Variants in VAV3 observed in about 807,000 individuals in gnomAD.
The protein encoded by VAV3 is vav guanine nucleotide exchange factor 3, also known as guanine nucleotide exchange factor VAV3.
Under a neutral mutation model 131.2 loss-of-function variants are expected in VAV3, and 94 were observed. That is an observed-to-expected ratio of 0.72 (90% CI 0.61 to 0.85). The LOEUF (loss-of-function observed/expected upper bound fraction) is 0.85, where lower values mean the gene tolerates loss of function less well. Among genes scored for constraint, VAV3 ranks in the 40% least tolerant of loss-of-function variants. The pLI is 0.00. For missense variants in VAV3, 939 were observed against 1,002.7 expected (o/e 0.94, Z 0.86); for synonymous variants, 349 against 342.0 (o/e 1.02, Z -0.22).
intron 18 of VAV3, among the ~76,000 whole-genome samples, chr1:107,687,615 A>G (rs1326425836): frequency 6.6e-6 from 1 of 152,144 alleles, no homozygotes; most frequent in East Asian, 1.9e-4. Flanking sequence ...GGTCAAGGCA[A>G]TGATTGTCTG....
chr1:107,655,760 A>T (rs147510293), intron 19 of VAV3, among the ~76,000 whole-genome samples: 3 of 152,282 alleles, frequency 2.0e-5, no homozygotes, highest in Admixed American at 1.3e-4. Context: ...ACTAAGAAGA[A>T]ACAAATAATC....
At chr1:107,868,860 A>AAAAGAG (rs1415154194) in intron 2 of VAV3, among the ~76,000 whole-genome samples, 1 of 152,284 alleles carries the variant, frequency 6.6e-6, no homozygotes, top group African/African-American at 2.4e-5. Flanking sequence ...ACTGGCTCAA[A>AAAAGAG]AAAGAGAAAA....
At chr1:107,704,389 A>C (rs1024716105) in intron 17 of VAV3, among the ~76,000 whole-genome samples, 161 bp downstream of exon 17, 2 of 152,214 alleles carry the variant, frequency 1.3e-5, no homozygotes, top group African/African-American at 4.8e-5. Context: ...CAGAAAACTC[A>C]CGTAAATTTT....
chr1:107,776,454 T>C (rs1334441269), intron 4 of VAV3, among the ~76,000 whole-genome samples: 1 of 152,110 alleles, frequency 6.6e-6, no homozygotes, highest in Non-Finnish European at 1.5e-5. Context: ...GGCCTCTCTG[T>C]AGGGAAATCT....
intron 19 of VAV3, chr1:107,669,043 A>C: frequency 9.5e-7 from 1 of 1,057,314 alleles, no homozygotes; most frequent in Non-Finnish European, 1.1e-6. Context: ...GGAGAAAGTC[A>C]GGAGCTGCTA....
At chr1:107,694,496 G>A (rs1326777567) in intron 17 of VAV3, among the ~76,000 whole-genome samples, 1 of 152,122 alleles carries the variant, frequency 6.6e-6, no homozygotes, top group African/African-American at 2.4e-5. Context: ...TCGATGCTTA[G>A]GCCATGAGCC....
chr1:107,942,287 C>A (rs80042921), intron 1 of VAV3, among the ~76,000 whole-genome samples: 14,107 of 152,136 alleles, frequency 0.093, 755 homozygotes, highest in African/African-American at 0.15. Context: ...CAGATGTAAA[C>A]CCTGGTGAGA....
intron 19 of VAV3, among the ~76,000 whole-genome samples, chr1:107,656,669 G>T (rs1656582524): frequency 6.6e-6 from 1 of 152,060 alleles, no homozygotes; most frequent in East Asian, 1.9e-4. Context: ...AATGAACCCT[G>T]ATGTGACTAT....
At chr1:107,841,375 T>TA (rs1309907839) in intron 2 of VAV3, among the ~76,000 whole-genome samples, 1 of 151,930 alleles carries the variant, frequency 6.6e-6, no homozygotes, top group African/African-American at 2.4e-5. Context: ...ACTAAAGCAA[T>TA]ATAAAGGGCA....
chr1:107,644,004 C>A (rs1169390836), intron 19 of VAV3, among the ~76,000 whole-genome samples: 1 of 152,050 alleles, frequency 6.6e-6, no homozygotes, highest in Non-Finnish European at 1.5e-5. Context: ...TGCCGCAGAA[C>A]CCCCAGAGGG....
At chr1:107,683,397 C>A (rs750635568) in intron 19 of VAV3, 91 bp downstream of exon 19, 25 of 1,463,128 alleles carry the variant, frequency 1.7e-5, no homozygotes, top group Non-Finnish European at 2.4e-5. Context: ...CAAAGGCCAA[C>A]AATATGCCTC....
At chr1:107,835,429 A>T (rs1668429063) in intron 2 of VAV3, among the ~76,000 whole-genome samples, 1 of 152,252 alleles carries the variant, frequency 6.6e-6, no homozygotes, top group Middle Eastern at 3.4e-3. Flanking sequence ...GCAGGGAAAG[A>T]GCACCCACTC....
chr1:107,914,726 A>T (rs1672529133), intron 1 of VAV3, among the ~76,000 whole-genome samples: 1 of 152,234 alleles, frequency 6.6e-6, no homozygotes, highest in African/African-American at 2.4e-5. Context: ...CTCAATCAGT[A>T]ATGGGCTCAT....
intron 25 of VAV3, among the ~76,000 whole-genome samples, chr1:107,587,632 C>A (rs1490172634): frequency 1.3e-5 from 2 of 152,042 alleles, no homozygotes; most frequent in Non-Finnish European, 2.9e-5. Flanking sequence ...CCTCTGTTGC[C>A]CATGCTGGAG....
At chr1:107,699,000 G>A (rs549988019) in intron 17 of VAV3, among the ~76,000 whole-genome samples, 7 of 152,050 alleles carry the variant, frequency 4.6e-5, no homozygotes, top group South Asian at 2.1e-4. Context: ...ATTTGGGTGC[G>A]GACACAGAGC....
intron 2 of VAV3, among the ~76,000 whole-genome samples, chr1:107,835,413 C>T (rs1341253105): frequency 2.6e-5 from 4 of 152,136 alleles, no homozygotes; most frequent in Admixed American, 6.5e-5. Context: ...TATGGCTGGT[C>T]CTCAAGCAGG....
At chr1:107,912,233 T>C (rs1002801525) in intron 1 of VAV3, among the ~76,000 whole-genome samples, 1 of 152,214 alleles carries the variant, frequency 6.6e-6, no homozygotes, top group Admixed American at 6.5e-5. Flanking sequence ...ACTAATGTTT[T>C]CAAAAGAGAA....
intron 1 of VAV3, among the ~76,000 whole-genome samples, chr1:107,891,430 C>T (rs1671306545): frequency 6.6e-6 from 1 of 152,144 alleles, no homozygotes; most frequent in Admixed American, 6.5e-5. Flanking sequence ...AATACACACA[C>T]ACGCACGATA....
chr1:107,763,295 A>G (rs1436236828), intron 9 of VAV3, among the ~76,000 whole-genome samples: 1 of 152,176 alleles, frequency 6.6e-6, no homozygotes, highest in African/African-American at 2.4e-5. Flanking sequence ...CCCTAAGTCG[A>G]GCATTGACTG....
Sources: gnomAD v4.1 joint callset for allele counts (sites outside exome capture counted in the v4.1 genomes callset) on GRCh38, gnomAD v4.1.1 for gene constraint, MANE v1.5 for transcripts, NCBI Gene and HGNC (gene_info 2026-07-23, HGNC 2026-07-21) for gene names.